PLEKHM3: variants seen among roughly 807,000 people sequenced by gnomAD.
The protein encoded by PLEKHM3 is pleckstrin homology domain-containing family M member 3.
In PLEKHM3, 45 loss-of-function variants were observed where a neutral mutation model predicts 81.8. That is an observed-to-expected ratio of 0.55 (90% CI 0.43 to 0.71). The LOEUF (loss-of-function observed/expected upper bound fraction) is 0.71, where lower values mean the gene tolerates loss of function less well. PLEKHM3 is among the 30% of genes least tolerant of loss of function. PLEKHM3 has a pLI of 0.00. For synonymous variants in PLEKHM3, 352 were observed against 356.4 expected (o/e 0.99, Z 0.14); for missense variants, 788 against 924.3 (o/e 0.85, Z 1.91).
intron 2 of PLEKHM3, among the ~76,000 whole-genome samples, chr2:207,990,321 G>A (rs992160785): frequency 6.6e-6 from 1 of 152,084 alleles, no homozygotes. Flanking sequence ...TTCTAGGTTA[G>A]CCTCCTGACC....
intron 5 of PLEKHM3, among the ~76,000 whole-genome samples, chr2:207,919,938 G>C (rs1160589066): frequency 6.6e-6 from 1 of 151,608 alleles, no homozygotes; most frequent in African/African-American, 2.4e-5. Context: ...GAAGCAATGA[G>C]AGTCTGTCAG....
At chr2:207,978,176 C>T (rs1691386414) in intron 2 of PLEKHM3, among the ~76,000 whole-genome samples, 2 of 123,528 alleles carry the variant, frequency 1.6e-5, no homozygotes, top group Admixed American at 8.3e-5. Flanking sequence ...ATCAACGGAG[C>T]GTGCAACATC....
chr2:207,844,304 T>A (rs2092370693), intron 7 of PLEKHM3, among the ~76,000 whole-genome samples: 1 of 24,234 alleles, frequency 4.1e-5, no homozygotes, highest in African/African-American at 1.6e-4. Context: ...TTTATTTTTC[T>A]TTTTTTTTTT....
Position 207,931,066 on chromosome 2 carries a change from G to T in PLEKHM3, c.1746C>A (p.Ile582=), listed in dbSNP as rs1163779238. The change falls in exon 5 of 8, where the codon ATC becomes ATA. Residue 582 remains isoleucine (I), a synonymous_variant. Coordinates refer to ENST00000427836, the MANE Select transcript of PLEKHM3 (RefSeq NM_001080475.3). ...GCATGGCGTTCTCCTGCTGGATGTC[G>T]ATGAGCGGCTCTTCGTACACGTACT... The part of the protein sequence containing the change: ...FLEYVYEEPL[I]DIQQENAMLY... 2 of 1,614,054 alleles carry T rather than the reference G, an allele frequency of 1.2e-6. No individual in the cohort carries two copies. Among genetic ancestry groups the T allele is most frequent in the Non-Finnish European group, 1.7e-6 (2 of 1,179,918 alleles).
chr2:207,909,118 A>G (rs1325716526), intron 5 of PLEKHM3, among the ~76,000 whole-genome samples: 1 of 152,222 alleles, frequency 6.6e-6, no homozygotes, highest in Non-Finnish European at 1.5e-5. Context: ...ATATTAATGA[A>G]CTATCCTCTC....
At chr2:207,983,407 G>A (rs1173500573) in intron 2 of PLEKHM3, among the ~76,000 whole-genome samples, 1 of 152,076 alleles carries the variant, frequency 6.6e-6, no homozygotes, top group Non-Finnish European at 1.5e-5. Context: ...AGTTATTCAA[G>A]AGTCAACTGT....
chr2:207,997,960 C>T (rs905506570), intron 2 of PLEKHM3, among the ~76,000 whole-genome samples: 2 of 152,258 alleles, frequency 1.3e-5, no homozygotes, highest in Middle Eastern at 3.4e-3. Flanking sequence ...CTGATTTTGA[C>T]TAGTTGGCAC....
rs754349912 is a variant in PLEKHM3, at chr2:207,861,097, T to C, written c.2108+8A>G. 5.0e-6 allele frequency: 8 copies of C among 1,611,374 alleles called. No homozygotes were observed. The African/African-American group carries it at 8.0e-5, about 16-fold the overall frequency. Reference sequence around the variant, plus strand: ...GGGTGTTCTTTTATGAAATAAGATATTCTGTACCTGCTTGTTGAAATATCC... The same window carrying C: ...GGGTGTTCTTTTATGAAATAAGATACTCTGTACCTGCTTGTTGAAATATCC... On this transcript the variant is annotated splice_region_variant and intron_variant, in intron 7 of 7. Transcript: ENST00000427836.
intron 4 of PLEKHM3, among the ~76,000 whole-genome samples, chr2:207,937,253 G>C (rs1298169515): frequency 6.6e-6 from 1 of 152,042 alleles, no homozygotes; most frequent in Non-Finnish European, 1.5e-5. Flanking sequence ...TCTATCACAG[G>C]ACAGAACAAT....
intron 6 of PLEKHM3, among the ~76,000 whole-genome samples, chr2:207,905,558 A>AC (rs1688575056): frequency 6.6e-6 from 1 of 152,264 alleles, no homozygotes. Context: ...TTAGAAACCA[A>AC]GGAAAGATGA....
intron 1 of PLEKHM3, among the ~76,000 whole-genome samples, chr2:208,020,668 G>C (rs1165631351): frequency 2.0e-5 from 3 of 152,032 alleles, no homozygotes; most frequent in African/African-American, 7.3e-5. Context: ...AGTTCCTTAT[G>C]AACCAAATGC....
At position 207,841,642 on chromosome 2, in the gene PLEKHM3, G is replaced by A. The variant is rs561311604; in HGVS notation, c.2109-13146C>T. Among the ~76,000 whole-genome samples, 7 of 150,586 alleles carry A rather than the reference G, an allele frequency of 4.6e-5. No homozygotes were observed. In the South Asian group the frequency reaches 1.3e-3, roughly 27 times the overall value. On this transcript the variant is annotated intron_variant, in intron 7 of 7. Transcript: ENST00000427836. ...AGCATTATTTTTCTTTTTCCAAATG[G>A]CTAATTAGTTCCCAATTCCTAATAT...
intron 3 of PLEKHM3, among the ~76,000 whole-genome samples, chr2:207,955,735 A>T (rs1016880248): frequency 3.9e-5 from 6 of 152,138 alleles, no homozygotes; most frequent in Non-Finnish European, 5.9e-5. Context: ...CTTTTGTAAG[A>T]CATTAGAAAA....
At chr2:207,846,953 A>G (rs2092386584) in intron 7 of PLEKHM3, among the ~76,000 whole-genome samples, 1 of 152,222 alleles carries the variant, frequency 6.6e-6, no homozygotes, top group African/African-American at 2.4e-5. Context: ...TATAATAAAT[A>G]TCAATTAGTT....
rs1192139812 is a variant in PLEKHM3 at position 207,865,801 on chromosome 2, A to ATAT, written c.1951-4540_1951-4539insATA. Among the ~76,000 whole-genome samples the ATAT allele has an allele frequency of 9.5e-4, 24 of 25,286 alleles. 2 individuals are homozygous for ATAT. The highest frequency in any genetic ancestry group is 4.4e-3 in the African/African-American group (21 of 4,790). 16.6% of individuals were successfully genotyped at this position (25,286 alleles called of 152,430 possible). A position where few individuals can be genotyped will look rare whatever the true frequency, so the allele number is the denominator to read the frequency against. Reference sequence around the variant, plus strand: ...CGACTCAAAAAAAAAAAAAAAAAAAAAGATATATATATATATATATATATA... The same window carrying ATAT: ...CGACTCAAAAAAAAAAAAAAAAAAAATATAGATATATATATATATATATATATA... On this transcript the variant is annotated intron_variant, in intron 6 of 7. Transcript: ENST00000427836.
At chr2:207,968,216 C>G (rs1030126024) in intron 3 of PLEKHM3, among the ~76,000 whole-genome samples, 2 of 151,992 alleles carry the variant, frequency 1.3e-5, no homozygotes, top group African/African-American at 4.8e-5. Context: ...ACTATAAAGT[C>G]CTGGGAGTTA....
intron 3 of PLEKHM3, among the ~76,000 whole-genome samples, chr2:207,968,493 T>C (rs1326147879): frequency 2.0e-5 from 3 of 152,220 alleles, no homozygotes; most frequent in African/African-American, 7.2e-5. Flanking sequence ...CTGGCCATGA[T>C]GGCTTGACCC....
chr2:207,897,286 GT>G (rs1222160168), intron 6 of PLEKHM3, among the ~76,000 whole-genome samples: 1 of 152,184 alleles, frequency 6.6e-6, no homozygotes, highest in African/African-American at 2.4e-5. Flanking sequence ...TGTGGCAATG[GT>G]TGTGGTTTAG....
intron 5 of PLEKHM3, among the ~76,000 whole-genome samples, chr2:207,913,922 C>T (rs565771064): frequency 1.3e-4 from 16 of 121,300 alleles, no homozygotes; most frequent in Admixed American, 1.2e-3. Flanking sequence ...TGTGTATGTG[C>T]GTGCATGAAA....
Sources: allele counts gnomAD v4.1 joint callset (sites outside exome capture counted in the v4.1 genomes callset), GRCh38; gene constraint gnomAD v4.1.1; transcripts MANE v1.5; gene names NCBI Gene and HGNC (gene_info 2026-07-23, HGNC 2026-07-21).